The following SNTB2 variants were observed in gnomAD, a reference collection of about 807,000 sequenced individuals.
SNTB2 encodes syntrophin beta 2, also known as beta-2-syntrophin.
A neutral mutation model predicts 46.2 loss-of-function variants in SNTB2; 34 were observed. The observed-to-expected ratio is 0.74, with a 90% confidence interval of 0.56 to 0.98. The LOEUF is 0.98. SNTB2 is among the 50% of genes least tolerant of loss of function. The pLI is 0.00. For missense variants in SNTB2, 603 were observed against 731.4 expected (o/e 0.82, Z 2.02); for synonymous variants, 290 against 312.6 (o/e 0.93, Z 0.76).
intron 5 of SNTB2, among the ~76,000 whole-genome samples, chr16:69,294,858 T>C (rs1168631660): frequency 1.3e-5 from 2 of 151,532 alleles, no homozygotes; most frequent in African/African-American, 4.9e-5. Flanking sequence ...GCTGGAGGGC[T>C]GGAGGGCTGG....
intron 1 of SNTB2, among the ~76,000 whole-genome samples, chr16:69,232,502 C>CTTTTTT (rs1032986410): frequency 6.3e-5 from 4 of 63,860 alleles, no homozygotes; most frequent in Admixed American, 1.6e-4. Context: ...ACGGTGCGGC[C>CTTTTTT]TTTTTTTTTT....
intron 1 of SNTB2, among the ~76,000 whole-genome samples, chr16:69,225,413 C>T (rs936941114): frequency 9.2e-5 from 14 of 152,230 alleles, no homozygotes; most frequent in Admixed American, 2.0e-4. Context: ...GATTTCCTTG[C>T]GCTTGAATTG....
chr16:69,220,435 C>T (rs1209692619), intron 1 of SNTB2, among the ~76,000 whole-genome samples: 1 of 152,032 alleles, frequency 6.6e-6, no homozygotes, highest in Non-Finnish European at 1.5e-5. Flanking sequence ...GCTGGGATTA[C>T]AGGCGTGAGC....
intron 4 of SNTB2, among the ~76,000 whole-genome samples, chr16:69,274,296 A>G (rs1377169076): frequency 3.3e-5 from 5 of 150,108 alleles, no homozygotes; most frequent in Non-Finnish European, 7.4e-5. Context: ...TGGGCAACAG[A>G]GCAAGACTCT....
At chr16:69,258,492 A>G (rs2143083630) in intron 2 of SNTB2, among the ~76,000 whole-genome samples, 1 of 152,014 alleles carries the variant, frequency 6.6e-6, no homozygotes, top group African/African-American at 2.4e-5. Flanking sequence ...TATAGTGTTG[A>G]TCTCTTAACT....
At chr16:69,213,480 C>T (rs1284641231) in intron 1 of SNTB2, among the ~76,000 whole-genome samples, 1 of 150,818 alleles carries the variant, frequency 6.6e-6, no homozygotes. Context: ...ATAGTCTGTA[C>T]TATGATAAAT....
intron 1 of SNTB2, among the ~76,000 whole-genome samples, chr16:69,209,775 T>C (rs1159400585): frequency 6.6e-6 from 1 of 152,200 alleles, no homozygotes; most frequent in African/African-American, 2.4e-5. Flanking sequence ...GAGTTTAAAC[T>C]TATATCTAAT....
rs1965317140 is a variant in SNTB2, at chr16:69,306,457, CA to C, written c.*5534del. ...AAGAGGATCCACATTTAATGTAAGG[CA>C]TAAATATGCCTTTTGCAAATTATTG... On this transcript the variant is annotated 3_prime_UTR_variant, in exon 7 of 7. Coordinates refer to ENST00000336278, the MANE Select transcript of SNTB2 (RefSeq NM_006750.4). 1 of 152,222 alleles carries C rather than the reference CA, an allele frequency of 6.6e-6. No individual in the cohort carries two copies. Among genetic ancestry groups the C allele is most frequent in the South Asian group, 2.1e-4 (1 of 4,834 alleles). 9.4% of individuals were successfully genotyped at this position (152,222 alleles called of 1,614,324 possible). A position where few individuals can be genotyped will look rare whatever the true frequency, so the allele number is the denominator to read the frequency against.
intron 1 of SNTB2, among the ~76,000 whole-genome samples, chr16:69,199,978 G>T (rs1428478948): frequency 6.6e-6 from 1 of 151,904 alleles, no homozygotes; most frequent in South Asian, 2.1e-4. Context: ...GCAGTGGCAC[G>T]ATCTCAGCTC....
intron 5 of SNTB2, among the ~76,000 whole-genome samples, chr16:69,287,657 G>A (rs1307283619): frequency 2.0e-5 from 3 of 151,918 alleles, no homozygotes; most frequent in Admixed American, 2.0e-4. Flanking sequence ...AGGCCAGATC[G>A]AGACCAGCCT....
At chr16:69,286,846 T>C (rs574539592) in intron 5 of SNTB2, among the ~76,000 whole-genome samples, 213 of 152,258 alleles carry the variant, frequency 1.4e-3, no homozygotes, top group African/African-American at 5.0e-3. Flanking sequence ...ATAGCCACTG[T>C]ACTCCAGCCT....
Position 69,301,180 on chromosome 16 carries a change from A to G in SNTB2, c.*256A>G. ...TTCTCATTTCAAAATATGGTTTATG[A>G]GTAATTAGGTTTATTTCTACTGCTA... is the stretch of plus-strand genomic sequence containing the variant. On this transcript the variant is annotated 3_prime_UTR_variant, in exon 7 of 7. Coordinates refer to ENST00000336278, the MANE Select transcript of SNTB2 (RefSeq NM_006750.4). 5.7e-6 allele frequency: 2 copies of G among 348,656 alleles called. No homozygotes were observed. The highest frequency in any genetic ancestry group is 5.3e-6 in the Non-Finnish European group (1 of 188,706). 21.6% of individuals were successfully genotyped at this position (348,656 alleles called of 1,614,324 possible). A position where few individuals can be genotyped will look rare whatever the true frequency, so the allele number is the denominator to read the frequency against.
At chr16:69,255,516 C>T (rs938672201) in intron 2 of SNTB2, among the ~76,000 whole-genome samples, 11 of 149,332 alleles carry the variant, frequency 7.4e-5, no homozygotes, top group East Asian at 2.0e-4. Context: ...GCCGAGATCA[C>T]GACACTGCAC....
intron 1 of SNTB2, among the ~76,000 whole-genome samples, chr16:69,220,892 T>C (rs970837841): frequency 6.6e-6 from 1 of 152,124 alleles, no homozygotes; most frequent in Admixed American, 6.6e-5. Context: ...TTAAGATACA[T>C]AATATTTCTA....
chr16:69,292,724 A>G (rs1177512762), intron 5 of SNTB2, among the ~76,000 whole-genome samples: 2 of 150,290 alleles, frequency 1.3e-5, no homozygotes, highest in African/African-American at 4.9e-5. Flanking sequence ...AAGTGCTGGG[A>G]TTACAGGCAT....
chr16:69,296,728 A>AG (rs1487737299), intron 5 of SNTB2, among the ~76,000 whole-genome samples: 1 of 151,342 alleles, frequency 6.6e-6, no homozygotes, highest in African/African-American at 2.4e-5. Context: ...TCAAAAAAAA[A>AG]AAAAAGAAAA....
intron 2 of SNTB2, among the ~76,000 whole-genome samples, chr16:69,250,072 C>G (rs1023518981): frequency 6.6e-6 from 1 of 151,966 alleles, no homozygotes; most frequent in Non-Finnish European, 1.5e-5. Flanking sequence ...TTGCAAAACT[C>G]TGTCTCAAAA....
intron 4 of SNTB2, among the ~76,000 whole-genome samples, chr16:69,271,312 C>T (rs1964935116): frequency 6.6e-6 from 1 of 152,110 alleles, no homozygotes; most frequent in Non-Finnish European, 1.5e-5. Context: ...TCATTAATTC[C>T]TTCAGGACAG....
chr16:69,245,950 T>C, intron 2 of SNTB2, 135 bp downstream of exon 2: 1 of 917,474 alleles, frequency 1.1e-6, no homozygotes, highest in East Asian at 2.5e-5. Context: ...ATTTTTGGGG[T>C]TCCACATTTT....
Sources: allele counts gnomAD v4.1 joint callset (sites outside exome capture counted in the v4.1 genomes callset), GRCh38; gene constraint gnomAD v4.1.1; transcripts MANE v1.5; gene names NCBI Gene and HGNC (gene_info 2026-07-23, HGNC 2026-07-21).